Variants in PCLO observed in about 807,000 individuals in gnomAD.
PCLO encodes protein piccolo.
In PCLO, 82 loss-of-function variants were observed where a neutral mutation model predicts 427.5. The observed-to-expected ratio is 0.19, with a 90% confidence interval of 0.16 to 0.23. The LOEUF (loss-of-function observed/expected upper bound fraction) is 0.23. PCLO is among the 10% of genes least tolerant of loss of function. The probability of loss-of-function intolerance (pLI) is 1.00; values close to 1 mark genes in which losing one functional copy is unlikely to be tolerated. For missense variants in PCLO, 6,239 were observed against 6,115.9 expected, an observed-to-expected ratio of 1.02 and a Z score of -0.67; for synonymous variants, 2,357 against 2,155.4, an observed-to-expected ratio of 1.09 and a Z score of -2.59.
chr7:82,953,255 G>A lies in PCLO; in HGVS notation c.7698C>T (p.Asn2566=). 2 of 1,613,942 alleles carry A rather than the reference G, an allele frequency of 1.2e-6. No homozygotes were observed. Among genetic ancestry groups the A allele is most frequent in the Non-Finnish European group, 1.7e-6 (2 of 1,179,870 alleles). The change falls in exon 5 of 25, where the codon AAC becomes AAT. Residue 2566 remains asparagine, a synonymous_variant. Coordinates refer to ENST00000333891, the MANE Select transcript of PCLO (RefSeq NM_033026.6). The stretch of plus-strand genomic sequence containing the variant: ...ATTTGGAAAATCTTGGTGAAGACTT[G>A]TTGGAGTGTGGGGAAAGTGGGGAGG... The part of the protein sequence containing the change: ...SPTSPLSPHS[N]KSSPRFSKSL...
At chr7:82,785,735 T>G (rs1253294522) in intron 22 of PCLO, among the ~76,000 whole-genome samples, 2 of 152,114 alleles carry the variant, frequency 1.3e-5, no homozygotes, top group Admixed American at 6.5e-5. Context: ...AAAGGTGTTT[T>G]CCAGGATCAA....
Position 82,839,717 on chromosome 7 carries a change from C to G in PCLO, c.14098-1375G>C, listed in dbSNP as rs372592935. Among the ~76,000 whole-genome samples the G allele has an allele frequency of 1.8e-3, 267 of 152,058 alleles. 1 individual carries two copies. Among genetic ancestry groups the G allele is most frequent in the African/African-American group, 5.9e-3 (247 of 41,518 alleles). On this transcript the variant is annotated intron_variant, in intron 14 of 24. Transcript: ENST00000333891. ...TTGAAATGAAAACTTGCAGGCCACC[C>G]GAAGAGAGTGCTTTTCAAAATTTGC... is the stretch of plus-strand genomic sequence containing the variant.
chr7:82,956,668 C>T lies in PCLO; in HGVS notation c.4285G>A (p.Asp1429Asn), dbSNP rs752862200. The T allele has an allele frequency of 6.2e-7, 1 of 1,613,662 alleles. No homozygotes were observed. The highest frequency in any genetic ancestry group is 1.7e-5 in the Admixed American group (1 of 60,008). Reference protein sequence around the residue: ...ILEAQASTLADEKSEKKTQPH... With the variant: ...ILEAQASTLANEKSEKKTQPH... ...TGTGTTTTCTTTTCTGACTTTTCAT[C>T]AGCAAGTGTACTTGCTTGAGCTTCC... The change falls in exon 5 of 25, where the codon GAT becomes AAT. Residue 1429 changes from aspartate to asparagine, a missense_variant. Physicochemically the swap from Asp to Asn is conservative, Grantham distance 23. This residue lies in a region of PCLO where 4,677 missense variants were observed against 4,468.4 expected (regional missense o/e 1.05). Transcript: ENST00000333891.
At chr7:82,795,962 A>G (rs1791214883) in intron 22 of PCLO, among the ~76,000 whole-genome samples, 1 of 152,186 alleles carries the variant, frequency 6.6e-6, no homozygotes, top group South Asian at 2.1e-4. Context: ...CATTTCAGAG[A>G]CTTCTAGGTA....
intron 3 of PCLO, among the ~76,000 whole-genome samples, chr7:83,100,874 A>C (rs1179503985): frequency 6.6e-6 from 1 of 152,188 alleles, no homozygotes; most frequent in Admixed American, 6.6e-5. Context: ...AATTATTCTA[A>C]AACAACAAAT....
At chr7:82,851,270 A>G (rs147209448) in intron 10 of PCLO, among the ~76,000 whole-genome samples, 91 of 151,708 alleles carry the variant, frequency 6.0e-4, no homozygotes, top group African/African-American at 2.0e-3. Flanking sequence ...GAGCATTGAG[A>G]GTGCTGTGAA....
At position 82,951,678 on chromosome 7, in the gene PCLO, A is replaced by AT. The variant is rs200839941; in HGVS notation, c.9097+177dup. Among the ~76,000 whole-genome samples, 927 of 152,188 alleles carry AT rather than the reference A, an allele frequency of 6.1e-3. 10 individuals carry two copies. Among genetic ancestry groups the AT allele is most frequent in the African/African-American group, 0.021 (877 of 41,538 alleles). On this transcript the variant is annotated intron_variant, in intron 5 of 24. Coordinates refer to ENST00000333891, the MANE Select transcript of PCLO (RefSeq NM_033026.6). Reference sequence around the variant, plus strand: ...CATGCAGTGATTTTGAGCAGAACAAATTTTTTTTAAAATGAAGGAACAAAA... The same window carrying AT: ...CATGCAGTGATTTTGAGCAGAACAAATTTTTTTTTAAAATGAAGGAACAAAA...
chr7:83,046,001 T>G (rs1789095555), intron 3 of PCLO, among the ~76,000 whole-genome samples: 1 of 152,112 alleles, frequency 6.6e-6, no homozygotes, highest in Admixed American at 6.6e-5. Context: ...GGTTTGATTT[T>G]ATCTGAGGCC....
intron 3 of PCLO, among the ~76,000 whole-genome samples, chr7:83,106,749 A>G (rs977678662): frequency 6.6e-6 from 1 of 152,126 alleles, no homozygotes; most frequent in Admixed American, 6.6e-5. Context: ...AAATTTAACT[A>G]AGTCAACATT....
intron 22 of PCLO, among the ~76,000 whole-genome samples, chr7:82,769,182 G>A (rs1431817220): frequency 6.6e-6 from 1 of 152,136 alleles, no homozygotes; most frequent in East Asian, 1.9e-4. Flanking sequence ...GAATAAAAGA[G>A]TTTACAGAGG....
chr7:82,896,701 A>ATG (rs753216120), intron 9 of PCLO, among the ~76,000 whole-genome samples: 124,444 of 151,050 alleles, frequency 0.82, 51,406 homozygotes, highest in East Asian at 0.92. Flanking sequence ...AGCTATCCAC[A>ATG]TAGCTCTACT....
intron 20 of PCLO, among the ~76,000 whole-genome samples, chr7:82,815,364 A>T: frequency 6.6e-6 from 1 of 152,068 alleles, no homozygotes; most frequent in East Asian, 1.9e-4. Context: ...GTGATTCAAT[A>T]GTTATTGACT....
At chr7:82,900,551 CTAT>C (rs1226263684) in intron 9 of PCLO, among the ~76,000 whole-genome samples, 1 of 3,522 alleles carries the variant, frequency 2.8e-4, no homozygotes, top group Non-Finnish European at 4.1e-4. Flanking sequence ...TAAATATGGA[CTAT>C]TGATTGTAAT....
intron 3 of PCLO, among the ~76,000 whole-genome samples, chr7:83,004,252 A>C (rs1265864743): frequency 6.6e-6 from 1 of 151,832 alleles, no homozygotes; most frequent in African/African-American, 2.4e-5. Flanking sequence ...TCTTGATTTC[A>C]AATTATATTG....
chr7:83,162,296 C>A (rs373217340), intron 1 of PCLO, 49 bp downstream of exon 1: 3 of 1,527,272 alleles, frequency 2.0e-6, no homozygotes, highest in African/African-American at 1.4e-5. Context: ...CATATGTGCA[C>A]GGGAAGCTGT....
At chr7:82,787,459 T>A (rs1020061556) in intron 22 of PCLO, among the ~76,000 whole-genome samples, 1 of 152,192 alleles carries the variant, frequency 6.6e-6, no homozygotes, top group African/African-American at 2.4e-5. Flanking sequence ...TCTATTGTTT[T>A]AACCCATGCC....
intron 3 of PCLO, among the ~76,000 whole-genome samples, chr7:83,118,440 A>C (rs1295801489): frequency 1.3e-5 from 2 of 152,134 alleles, no homozygotes; most frequent in Admixed American, 6.6e-5. Flanking sequence ...AAAGAGGCAC[A>C]GAAGAGGGTA....
chr7:83,020,127 T>C (rs934001948), intron 3 of PCLO, among the ~76,000 whole-genome samples: 5 of 152,106 alleles, frequency 3.3e-5, no homozygotes, highest in African/African-American at 1.2e-4. Flanking sequence ...ACAAAAATTA[T>C]TAAATAAATG....
In PCLO at chr7:82,805,804, T is replaced by C. The variant is rs1486405559; in HGVS notation, c.14817A>G (p.Ala4939=). 1 of 1,605,264 alleles carries C rather than the reference T, an allele frequency of 6.2e-7. No individual in the cohort carries two copies. Among genetic ancestry groups the C allele is most frequent in the Non-Finnish European group, 8.5e-7 (1 of 1,175,730 alleles). Residue 4939 remains alanine (A), a synonymous_variant, in exon 21 of 25, where the codon GCA becomes GCG. Coordinates refer to ENST00000333891, the MANE Select transcript of PCLO (RefSeq NM_033026.6). The part of the protein sequence containing the change: ...QPTKPPNHRP[A]ESSVSTGSSG... The stretch of plus-strand genomic sequence containing the variant: ...AGGAGCCGGTGGACACAGAGCTTTC[T>C]GCAGGCCGGTGATTGGGAGGCTTTG...
Sources: allele counts gnomAD v4.1 joint callset (sites outside exome capture counted in the v4.1 genomes callset), GRCh38; gene constraint gnomAD v4.1.1; regional missense constraint gnomAD v4.1.1; transcripts MANE v1.5; gene names NCBI Gene and HGNC (gene_info 2026-07-23, HGNC 2026-07-21).